The following ITFG1 variants were observed in gnomAD, a reference collection of about 807,000 sequenced individuals.
The protein encoded by ITFG1 is integrin alpha FG-GAP repeat containing 1.
In ITFG1, 34 loss-of-function variants were observed where a neutral mutation model predicts 81.8. The observed-to-expected ratio is 0.42, with a 90% CI of 0.32 to 0.55. ITFG1 has a LOEUF of 0.55. ITFG1 is among the 20% of genes least tolerant of loss of function. The pLI is 0.17. For synonymous variants in ITFG1, 285 were observed against 270.6 expected, an observed-to-expected ratio of 1.05 and a Z score of -0.52; for missense variants, 672 against 755.4, an observed-to-expected ratio of 0.89 and a Z score of 1.29.
chr16:47,365,574 A>AT, intron 8 of ITFG1: 2 of 448,042 alleles, frequency 4.5e-6, no homozygotes, highest in Non-Finnish European at 7.9e-6. Flanking sequence ...GTATCAAACT[A>AT]TTTTTTAAAC....
At chr16:47,406,342 G>A (rs1968728931) in intron 6 of ITFG1, among the ~76,000 whole-genome samples, 1 of 152,180 alleles carries the variant, frequency 6.6e-6, no homozygotes, top group Non-Finnish European at 1.5e-5. Context: ...AGCATTGTAT[G>A]TATTTCTGAA....
chr16:47,245,067 C>T (rs1965984879), intron 12 of ITFG1, among the ~76,000 whole-genome samples: 1 of 152,136 alleles, frequency 6.6e-6, no homozygotes, highest in Admixed American at 6.5e-5. Context: ...CATTTTTAGG[C>T]CGGGTGCGGT....
intron 14 of ITFG1, among the ~76,000 whole-genome samples, chr16:47,185,627 T>C (rs1965200650): frequency 6.6e-6 from 1 of 152,098 alleles, no homozygotes; most frequent in South Asian, 2.1e-4. Context: ...TAGAGGGAAA[T>C]TTATAGCACT....
In ITFG1 at chr16:47,158,856, C is replaced by T; in HGVS notation, c.1779+17G>A. The T allele has an allele frequency of 7.4e-7, 1 of 1,343,302 alleles. No individual in the cohort carries two copies. Among genetic ancestry groups the T allele is most frequent in the South Asian group, 1.2e-5 (1 of 80,920 alleles). 83.2% of individuals were successfully genotyped at this position (1,343,302 alleles called of 1,614,324 possible). On this transcript the variant is annotated intron_variant, in intron 17 of 17. Coordinates refer to ENST00000320640, the MANE Select transcript of ITFG1 (RefSeq NM_030790.5). The stretch of plus-strand genomic sequence containing the variant: ...AATAAATTAACCAAAATTAATGCTT[C>T]CTTTAAATGAACAAACCTTTTCCTG...
At chr16:47,304,764 T>C (rs1967131304) in intron 10 of ITFG1, among the ~76,000 whole-genome samples, 1 of 152,198 alleles carries the variant, frequency 6.6e-6, no homozygotes, top group African/African-American at 2.4e-5. Context: ...ATACAGATGG[T>C]TAAGATTTAC....
chr16:47,395,856 T>C (rs1203344719), intron 6 of ITFG1, among the ~76,000 whole-genome samples: 2 of 152,236 alleles, frequency 1.3e-5, no homozygotes, highest in Non-Finnish European at 2.9e-5. Context: ...TACAATGTTA[T>C]TGCCTCATGT....
chr16:47,362,281 T>C (rs1968119439), intron 8 of ITFG1, among the ~76,000 whole-genome samples: 1 of 152,150 alleles, frequency 6.6e-6, no homozygotes, highest in African/African-American at 2.4e-5. Context: ...TAAATCTGCC[T>C]CTCTTTTAAC....
chr16:47,364,097 T>C (rs878918079), intron 8 of ITFG1, among the ~76,000 whole-genome samples: 3 of 152,214 alleles, frequency 2.0e-5, no homozygotes, highest in Non-Finnish European at 2.9e-5. Context: ...ATTTTTGATA[T>C]GTTAATATTC....
At chr16:47,436,063 A>T (rs1969162416) in intron 5 of ITFG1, among the ~76,000 whole-genome samples, 1 of 152,138 alleles carries the variant, frequency 6.6e-6, no homozygotes. Flanking sequence ...GAAATTGTAC[A>T]TCTTTCCCTT....
chr16:47,208,859 C>T (rs913575462), intron 14 of ITFG1, among the ~76,000 whole-genome samples: 6 of 152,276 alleles, frequency 3.9e-5, no homozygotes, highest in South Asian at 4.2e-4. Flanking sequence ...GTCAGATGGT[C>T]AACCCATCTT....
chr16:47,409,389 TATATATATATATATA>T lies in ITFG1; in HGVS notation c.655+19400_655+19414del, dbSNP rs1422391858. ...TACACACACACTATATATATATATA[TATATATATATATATA>T]TTTTTTTTTTTTTTTTTTTTTTTTT... On this transcript the variant is annotated intron_variant, in intron 6 of 17. Transcript: ENST00000320640. 8.8e-3 allele frequency among the ~76,000 whole-genome samples: 136 copies of T among 15,516 alleles called. 1 individual carries two copies. Among genetic ancestry groups the T allele is most frequent in the Non-Finnish European group, 0.014 (107 of 7,784 alleles). The allele number at this position is 15,516 out of a possible 152,430, so 10.2% of individuals were successfully genotyped here.
intron 14 of ITFG1, among the ~76,000 whole-genome samples, chr16:47,206,594 T>C (rs192773607): frequency 6.5e-4 from 99 of 152,382 alleles, no homozygotes; most frequent in African/African-American, 2.3e-3. Context: ...CTGCTTATTC[T>C]AGGCACTTCC....
chr16:47,417,723 T>TA (rs906228492), intron 6 of ITFG1, among the ~76,000 whole-genome samples: 7 of 152,332 alleles, frequency 4.6e-5, no homozygotes, highest in Non-Finnish European at 8.8e-5. Flanking sequence ...ATTCTTTTTT[T>TA]ATGGCAGAAT....
chr16:47,412,527 T>A (rs1351348640), intron 6 of ITFG1, among the ~76,000 whole-genome samples: 5 of 149,954 alleles, frequency 3.3e-5, no homozygotes, highest in African/African-American at 7.4e-5. Flanking sequence ...ACTGAAGATT[T>A]AAAAAAAAAG....
chr16:47,434,774 T>C (rs1186956543), intron 5 of ITFG1, among the ~76,000 whole-genome samples: 1 of 152,118 alleles, frequency 6.6e-6, no homozygotes, highest in African/African-American at 2.4e-5. Flanking sequence ...ACCTAAACCC[T>C]TGTCAATGAT....
intron 8 of ITFG1, among the ~76,000 whole-genome samples, chr16:47,320,448 C>A (rs1287152484): frequency 6.6e-6 from 1 of 152,126 alleles, no homozygotes; most frequent in Non-Finnish European, 1.5e-5. Flanking sequence ...ACTTTTAAGT[C>A]TTAGATTAAC....
At chr16:47,455,334 C>A (rs1439023520) in intron 2 of ITFG1, among the ~76,000 whole-genome samples, 4 of 151,230 alleles carry the variant, frequency 2.6e-5, no homozygotes, top group African/African-American at 9.7e-5. Flanking sequence ...GAAAACAGAA[C>A]TAATGCAACA....
At chr16:47,169,465 TA>T (rs1278572434) in intron 14 of ITFG1, among the ~76,000 whole-genome samples, 1 of 151,874 alleles carries the variant, frequency 6.6e-6, no homozygotes, top group Non-Finnish European at 1.5e-5. Context: ...CAAACTGAAC[TA>T]TTTTTTTTTT....
At chr16:47,293,101 C>T (rs1567448106) in intron 10 of ITFG1, among the ~76,000 whole-genome samples, 1 of 143,456 alleles carries the variant, frequency 7.0e-6, no homozygotes, top group African/African-American at 2.6e-5. Flanking sequence ...TATGTATATA[C>T]ATATGATATA....
Sources: gnomAD v4.1 joint callset for allele counts (sites outside exome capture counted in the v4.1 genomes callset) on GRCh38, gnomAD v4.1.1 for gene constraint, MANE v1.5 for transcripts, NCBI Gene and HGNC (gene_info 2026-07-23, HGNC 2026-07-21) for gene names.